SLCO6A1: variants seen among roughly 807,000 people sequenced by gnomAD.
The protein encoded by SLCO6A1 is solute carrier organic anion transporter family member 6A1, also known as cancer/testis antigen 48.
Under a neutral mutation model 72.7 loss-of-function variants are expected in SLCO6A1, and 65 were observed. The observed-to-expected ratio is 0.89, with a 90% confidence interval of 0.73 to 1.10. The LOEUF (loss-of-function observed/expected upper bound fraction) is 1.10. Among genes scored for constraint, SLCO6A1 ranks in the 50% least tolerant of loss-of-function variants. SLCO6A1 has a pLI of 0.00. For missense variants in SLCO6A1, 874 were observed against 872.6 expected (o/e 1.00, Z -0.02); for synonymous variants, 314 against 298.2 (o/e 1.05, Z -0.55).
chr5:102,415,473 C>T (rs568410807), intron 8 of SLCO6A1, among the ~76,000 whole-genome samples: 1 of 152,108 alleles, frequency 6.6e-6, no homozygotes, highest in South Asian at 2.1e-4. Flanking sequence ...ACACCCTTTT[C>T]AATATATGAT....
chr5:102,461,943 T>C (rs1751060313), intron 4 of SLCO6A1, among the ~76,000 whole-genome samples: 1 of 152,064 alleles, frequency 6.6e-6, no homozygotes, highest in Non-Finnish European at 1.5e-5. Context: ...ACTGTTACTG[T>C]TCACCAATGA....
chr5:102,425,085 A>T (rs1748815750), intron 7 of SLCO6A1, among the ~76,000 whole-genome samples: 1 of 152,214 alleles, frequency 6.6e-6, no homozygotes, highest in Non-Finnish European at 1.5e-5. Context: ...CATGCTAAAA[A>T]CACTCAATAA....
At chr5:102,454,722 T>A (rs1328535052) in intron 6 of SLCO6A1, among the ~76,000 whole-genome samples, 2 of 151,918 alleles carry the variant, frequency 1.3e-5, no homozygotes, top group Non-Finnish European at 2.9e-5. Context: ...AAAACACTCA[T>A]GTTTAAATTT....
At chr5:102,408,502 A>G (rs1747797405) in intron 9 of SLCO6A1, among the ~76,000 whole-genome samples, 1 of 152,192 alleles carries the variant, frequency 6.6e-6, no homozygotes, top group Non-Finnish European at 1.5e-5. Context: ...CATCAAAGTA[A>G]AACTTCTGAT....
At chr5:102,426,142 G>A (rs1748879508) in intron 7 of SLCO6A1, among the ~76,000 whole-genome samples, 1 of 152,122 alleles carries the variant, frequency 6.6e-6, no homozygotes, top group South Asian at 2.1e-4. Flanking sequence ...AGACTTAAAT[G>A]TAAAACCTAA....
At chr5:102,436,154 T>C (rs1749524391) in intron 7 of SLCO6A1, among the ~76,000 whole-genome samples, 1 of 152,212 alleles carries the variant, frequency 6.6e-6, no homozygotes, top group South Asian at 2.1e-4. Flanking sequence ...ATTCTTTAGT[T>C]ATTCCTCAGG....
At chr5:102,430,007 A>G (rs1749125965) in intron 7 of SLCO6A1, among the ~76,000 whole-genome samples, 1 of 152,002 alleles carries the variant, frequency 6.6e-6, no homozygotes. Context: ...ATTTATTGTA[A>G]AGATCTGTAA....
intron 8 of SLCO6A1, 51 bp downstream of exon 8, chr5:102,419,775 A>C (rs754135697): frequency 7.2e-7 from 1 of 1,394,232 alleles, no homozygotes; most frequent in Admixed American, 2.5e-5. Context: ...TGCCTGAGGA[A>C]TATGCTGTAG....
intron 12 of SLCO6A1, among the ~76,000 whole-genome samples, chr5:102,383,196 T>A (rs1338421659): frequency 6.6e-6 from 1 of 150,758 alleles, no homozygotes; most frequent in Non-Finnish European, 1.5e-5. Flanking sequence ...ATGTTTCCTT[T>A]TTCTTGCCTA....
intron 10 of SLCO6A1, among the ~76,000 whole-genome samples, chr5:102,394,866 T>G (rs1007094349): frequency 6.6e-6 from 1 of 152,086 alleles, no homozygotes; most frequent in South Asian, 2.1e-4. Context: ...GAAATAATTT[T>G]GGGAAAAAAT....
chr5:102,388,600 T>G (rs755491242), intron 12 of SLCO6A1, 88 bp downstream of exon 12: 41 of 1,032,584 alleles, frequency 4.0e-5, no homozygotes, highest in Non-Finnish European at 5.1e-5. Context: ...AATTCATGGT[T>G]TAAAATTATA....
intron 7 of SLCO6A1, among the ~76,000 whole-genome samples, chr5:102,431,771 A>G (rs1749229906): frequency 6.6e-6 from 1 of 152,168 alleles, no homozygotes; most frequent in African/African-American, 2.4e-5. Context: ...CATTGAGTTC[A>G]GGTCCTGAAC....
At chr5:102,427,548 A>T (rs535516973) in intron 7 of SLCO6A1, among the ~76,000 whole-genome samples, 3 of 152,162 alleles carry the variant, frequency 2.0e-5, no homozygotes, top group African/African-American at 7.2e-5. Context: ...ACTCCTAAAA[A>T]CTGTAAGGTC....
In SLCO6A1 at chr5:102,399,804, T is replaced by G. The variant is rs535439516; in HGVS notation, c.1627-62A>C. 44 of 1,224,334 alleles carry G rather than the reference T, an allele frequency of 3.6e-5. No homozygotes were observed. In the African/African-American group the frequency reaches 6.4e-4, roughly 18 times the overall value. The allele number at this position is 1,224,334 out of a possible 1,614,324, so 75.8% of individuals were successfully genotyped here. On this transcript the variant is annotated intron_variant, in intron 9 of 13. Coordinates refer to ENST00000506729, the MANE Select transcript of SLCO6A1 (RefSeq NM_173488.5). ...AAATAGTCATAAACAAAAGTTCTTA[T>G]CATAAAATAAAAATTAAATCAATAA... is the stretch of plus-strand genomic sequence containing the variant.
At chr5:102,474,635 C>T (rs1751801854) in intron 4 of SLCO6A1, among the ~76,000 whole-genome samples, 1 of 151,982 alleles carries the variant, frequency 6.6e-6, no homozygotes, top group Non-Finnish European at 1.5e-5. Flanking sequence ...AGTGAAAAGG[C>T]AACCTGCAGA....
chr5:102,491,938 T>C (rs1427373798), intron 1 of SLCO6A1, among the ~76,000 whole-genome samples: 1 of 152,236 alleles, frequency 6.6e-6, no homozygotes, highest in Non-Finnish European at 1.5e-5. Context: ...ACAGAAAGCA[T>C]GGCTGGGGAG....
chr5:102,404,325 C>A (rs1412824933), intron 9 of SLCO6A1, among the ~76,000 whole-genome samples: 2 of 152,114 alleles, frequency 1.3e-5, no homozygotes, highest in Non-Finnish European at 2.9e-5. Flanking sequence ...GAAACCCCAT[C>A]TCTACTAAAA....
intron 7 of SLCO6A1, among the ~76,000 whole-genome samples, chr5:102,423,258 A>G (rs969640533): frequency 2.0e-5 from 3 of 152,206 alleles, no homozygotes; most frequent in Admixed American, 2.0e-4. Flanking sequence ...GACAGGATCA[A>G]ATTCGCACAT....
chr5:102,391,641 C>G (rs900803315), intron 10 of SLCO6A1, among the ~76,000 whole-genome samples: 1 of 151,958 alleles, frequency 6.6e-6, no homozygotes, highest in South Asian at 2.1e-4. Context: ...TCTTCCCAGC[C>G]CTTGTTTCTC....
Sources: gnomAD v4.1 joint callset for allele counts (sites outside exome capture counted in the v4.1 genomes callset) on GRCh38, gnomAD v4.1.1 for gene constraint, MANE v1.5 for transcripts, NCBI Gene and HGNC (gene_info 2026-07-23, HGNC 2026-07-21) for gene names.